THBS2: variants seen among roughly 807,000 people sequenced by gnomAD.
THBS2 encodes thrombospondin-2.
A neutral mutation model predicts 135.2 loss-of-function variants in THBS2; 47 were observed. The observed-to-expected ratio is 0.35, with a 90% CI of 0.28 to 0.44. THBS2 has a LOEUF of 0.44. THBS2 is among the 20% of genes least tolerant of loss of function. THBS2 has a pLI of 1.00. For synonymous variants in THBS2, 639 were observed against 633.8 expected (o/e 1.01, Z -0.12); for missense variants, 1,288 against 1,603.1 (o/e 0.80, Z 3.36).
chr6:169,220,284 T>G lies in THBS2; in HGVS notation c.3425A>C (p.Asp1142Ala), dbSNP rs1242046652. 6.2e-7 allele frequency: 1 copy of G among 1,613,782 alleles called. No homozygotes were observed. Among genetic ancestry groups the G allele is most frequent in the Non-Finnish European group, 8.5e-7 (1 of 1,179,940 alleles). ...QVMADSGPIY[D>A]QTYAGGRLGL... ...CAGCCGCCCGCCAGCGTAGGTTTGG[T>G]CATAGATAGGTCCTGAGTCTGCCAT... The change falls in exon 21 of 22, where the codon GAC becomes GCC. Residue 1142 changes from aspartate to alanine, a missense_variant. Transcript: ENST00000617924.
intron 4 of THBS2, among the ~76,000 whole-genome samples, chr6:169,242,579 C>CA (rs1435219379): frequency 6.4e-5 from 9 of 139,582 alleles, no homozygotes; most frequent in African/African-American, 1.6e-4. Context: ...CCCACCTTCC[C>CA]CCAAATTCCC....
Position 169,241,486 on chromosome 6 carries a change from G to GTAA in THBS2, c.891+273_891+275dup, listed in dbSNP as rs1780295607. On this transcript the variant is annotated intron_variant, in intron 5 of 21. Coordinates refer to ENST00000617924, the MANE Select transcript of THBS2 (RefSeq NM_003247.5). The surrounding 1 kb of genome is among the most constrained non-coding windows in gnomAD (Gnocchi z 5.5). ...TCATACCTACAGATTTACCAAGGAG[G>GTAA]TAAATTTCCCAAAATTAAGAATTTA... Among the ~76,000 whole-genome samples, 7 of 151,952 alleles carry GTAA rather than the reference G, an allele frequency of 4.6e-5. No individual in the cohort carries two copies. The highest frequency in any genetic ancestry group is 1.0e-4 in the Non-Finnish European group (7 of 67,976).
intron 20 of THBS2, 37 bp from the exon 21 acceptor site, chr6:169,220,374 A>G (rs1779379722): frequency 6.3e-7 from 1 of 1,594,926 alleles, no homozygotes; most frequent in South Asian, 1.1e-5. Flanking sequence ...GAGGAAAGAA[A>G]GACAACATGA....
At chr6:169,233,659 CACA>C (rs1219322929) in intron 10 of THBS2, among the ~76,000 whole-genome samples, 1 of 144,214 alleles carries the variant, frequency 6.9e-6, no homozygotes, top group Non-Finnish European at 1.5e-5. Context: ...TTCCACAACA[CACA>C]ACTACACCCC....
intron 7 of THBS2, 145 bp downstream of exon 7, chr6:169,239,454 C>A (rs1020024406): frequency 4.3e-6 from 3 of 702,116 alleles, no homozygotes; most frequent in Non-Finnish European, 7.1e-6. Context: ...TGACCAGTGG[C>A]CTGGGGTGGC....
At chr6:169,229,831 G>T in intron 13 of THBS2, 152 bp from the exon 14 acceptor site, 1 of 591,452 alleles carries the variant, frequency 1.7e-6, no homozygotes, top group Non-Finnish European at 3.0e-6. Flanking sequence ...GGAGCCAGGA[G>T]GCCAGAAGCG....
At position 169,249,071 on chromosome 6, in the gene THBS2, T is replaced by C. The variant is rs572972675; in HGVS notation, c.53-98A>G. ...AACCAGAACCTCGCGTGTAAGGAAATTAACGAGGCCTCCCAATATCCCGCA... is the reference window on the plus strand; with the variant it reads ...AACCAGAACCTCGCGTGTAAGGAAACTAACGAGGCCTCCCAATATCCCGCA... On this transcript the variant is annotated intron_variant, in intron 2 of 21. Transcript: ENST00000617924. 98 of 1,176,116 alleles carry C rather than the reference T, an allele frequency of 8.3e-5. No individual in the cohort carries two copies. In the African/African-American group the frequency reaches 1.4e-3, roughly 17 times the overall value. 72.9% of individuals were successfully genotyped at this position (1,176,116 alleles called of 1,614,324 possible).
chr6:169,253,721 T>C lies in THBS2; in HGVS notation c.-23+3A>G, dbSNP rs552535122. On this transcript the variant is annotated splice_donor_region_variant and intron_variant, in intron 1 of 21. Coordinates refer to ENST00000617924, the MANE Select transcript of THBS2 (RefSeq NM_003247.5). Reference sequence around the variant, plus strand: ...ATTGATTGAGTTTAAGAAATAATCGTACCTGGTTTGCCAAAAAGATGCAGT... The same window carrying C: ...ATTGATTGAGTTTAAGAAATAATCGCACCTGGTTTGCCAAAAAGATGCAGT... 1 of 152,358 alleles carries C rather than the reference T, an allele frequency of 6.6e-6. No homozygotes were observed. Among genetic ancestry groups the C allele is most frequent in the Non-Finnish European group, 1.5e-5 (1 of 68,040 alleles). The allele number at this position is 152,358 out of a possible 1,614,324, so 9.4% of individuals were successfully genotyped here. A position where few individuals can be genotyped will look rare whatever the true frequency, so the allele number is the denominator to read the frequency against.
chr6:169,248,351 TTAGCA>T (rs1434373027), intron 3 of THBS2, 61 bp downstream of exon 3: 6 of 1,517,186 alleles, frequency 4.0e-6, no homozygotes, highest in Non-Finnish European at 5.3e-6. Flanking sequence ...ACCAGACGCA[TTAGCA>T]GATCAGTTCC....
rs1780455200 is a variant in THBS2, at chr6:169,243,720, T to C, written c.695-1762A>G. Reference sequence around the variant, plus strand: ...CTAGGGTATTTGTTTTTCATTCCTCTAAAAGTTAAACAAAAGACCGCATAT... The same window carrying C: ...CTAGGGTATTTGTTTTTCATTCCTCCAAAAGTTAAACAAAAGACCGCATAT... On this transcript the variant is annotated intron_variant, in intron 4 of 21. Transcript: ENST00000617924. Among the ~76,000 whole-genome samples, 4 of 152,208 alleles carry C rather than the reference T, an allele frequency of 2.6e-5. No homozygotes were observed. The South Asian group carries it at 8.3e-4, about 31-fold the overall frequency.
Position 169,248,677 on chromosome 6 carries a change from A to G in THBS2, c.349T>C (p.Ser117Pro). 2 of 1,613,814 alleles carry G rather than the reference A, an allele frequency of 1.2e-6. No homozygotes were observed. Among genetic ancestry groups the G allele is most frequent in the Non-Finnish European group, 1.7e-6 (2 of 1,179,876 alleles). ...GLSQRQFEIV[S>P]NGPADTLDLT... ...TCCAGCGTGTCCGCGGGGCCGTTGG[A>G]GACGATCTCGAACTGCCTCTGGGAG... The change falls in exon 3 of 22, where the codon TCC becomes CCC. Residue 117 changes from serine to proline, a missense_variant. Physicochemically the swap from Ser to Pro is moderately conservative, Grantham distance 74. This residue lies in a region of THBS2 where 414 missense variants were observed against 447.0 expected (regional missense o/e 0.93). Coordinates refer to ENST00000617924, the MANE Select transcript of THBS2 (RefSeq NM_003247.5).
chr6:169,234,935 T>C, intron 9 of THBS2, 28 bp from the exon 10 acceptor site: 1 of 1,588,956 alleles, frequency 6.3e-7, no homozygotes, highest in Non-Finnish European at 8.6e-7. Context: ...CAGGGGGAGC[T>C]CAGAGCAAGA....
intron 8 of THBS2, 33 bp downstream of exon 8, chr6:169,237,592 C>T (rs1048072206): frequency 3.1e-6 from 5 of 1,609,566 alleles, no homozygotes; most frequent in African/African-American, 2.7e-5. Flanking sequence ...CCCACCCCCA[C>T]AGGCACGCGG....
At position 169,248,582 on chromosome 6, in the gene THBS2, C is replaced by T. The variant is rs778266954; in HGVS notation, c.444G>A (p.Gln148=). 6.2e-7 allele frequency: 1 copy of T among 1,614,066 alleles called. No individual in the cohort carries two copies. The highest frequency in any genetic ancestry group is 1.1e-5 in the South Asian group (1 of 91,090). ...SLEDVGLADS[Q]WKNVTVQVAG... Reference sequence around the variant, plus strand: ...CCACCTGCACGGTGACGTTCTTCCACTGCGAGTCAGCCAGGCCGACGTCCT... The same window carrying T: ...CCACCTGCACGGTGACGTTCTTCCATTGCGAGTCAGCCAGGCCGACGTCCT... The change falls in exon 3 of 22, where the codon CAG becomes CAA. Residue 148 remains glutamine (Q), a synonymous_variant. Coordinates refer to ENST00000617924, the MANE Select transcript of THBS2 (RefSeq NM_003247.5).
intron 1 of THBS2, among the ~76,000 whole-genome samples, chr6:169,253,190 C>T (rs978625362): frequency 6.6e-6 from 1 of 152,200 alleles, no homozygotes; most frequent in Non-Finnish European, 1.5e-5. Flanking sequence ...CTTTAATCTA[C>T]TAATAATGTT....
At chr6:169,226,750 A>G (rs1328304675) in intron 15 of THBS2, among the ~76,000 whole-genome samples, 1 of 152,240 alleles carries the variant, frequency 6.6e-6, no homozygotes, top group Non-Finnish European at 1.5e-5. Flanking sequence ...GAAATCTGAA[A>G]GTGATGAGTT....
In THBS2 at chr6:169,242,618, C is replaced by CTCCCACCTTCCCACCT. The variant is rs1554247300; in HGVS notation, c.695-661_695-660insAGGTGGGAAGGTGGGA. 4.3e-3 allele frequency among the ~76,000 whole-genome samples: 246 copies of CTCCCACCTTCCCACCT among 57,072 alleles called. 22 individuals are homozygous for CTCCCACCTTCCCACCT. Among genetic ancestry groups the CTCCCACCTTCCCACCT allele is most frequent in the African/African-American group, 0.015 (227 of 15,536 alleles). 37.4% of individuals were successfully genotyped at this position (57,072 alleles called of 152,430 possible). A position where few individuals can be genotyped will look rare whatever the true frequency, so the allele number is the denominator to read the frequency against. On this transcript the variant is annotated intron_variant, in intron 4 of 21. Transcript: ENST00000617924. The stretch of plus-strand genomic sequence containing the variant: ...TTCCCACATTCCCACCTTCCCACCG[C>CTCCCACCTTCCCACCT]TCCCACCTTCCCACCACTCCCACCT...
intron 7 of THBS2, 28 bp downstream of exon 7, chr6:169,239,571 G>T (rs966734540): frequency 3.2e-6 from 5 of 1,557,182 alleles, no homozygotes; most frequent in Middle Eastern, 1.7e-4. Context: ...AAAAATGCAG[G>T]ATGCGCTTGC....
At position 169,229,552 on chromosome 6, in the gene THBS2, G is replaced by A. The variant is rs77970198; in HGVS notation, c.2259+20C>T. The A allele has an allele frequency of 3.0e-4, 475 of 1,605,766 alleles. 3 individuals are homozygous for A. The East Asian group carries it at 7.5e-3, about 25-fold the overall frequency. On this transcript the variant is annotated intron_variant, in intron 14 of 21. Coordinates refer to ENST00000617924, the MANE Select transcript of THBS2 (RefSeq NM_003247.5). The stretch of plus-strand genomic sequence containing the variant: ...TGCTCCTGGAACCCAGGGCAGGTGC[G>A]CGGCACAAGCTGCTCCTACCTTCTC...
Sources: allele counts gnomAD v4.1 joint callset (sites outside exome capture counted in the v4.1 genomes callset), GRCh38; gene constraint gnomAD v4.1.1; regional missense constraint gnomAD v4.1.1; non-coding constraint Gnocchi (gnomAD v3.1); transcripts MANE v1.5; gene names NCBI Gene and HGNC (gene_info 2026-07-23, HGNC 2026-07-21).